Variants in SYNM observed in about 807,000 individuals in gnomAD.
SYNM encodes the protein synemin.
Under a neutral mutation model 104.0 loss-of-function variants are expected in SYNM, and 95 were observed. That is an observed-to-expected ratio of 0.91 (90% confidence interval 0.77 to 1.08). SYNM has a LOEUF of 1.08. Among genes scored for constraint, SYNM ranks in the 50% least tolerant of loss-of-function variants. The pLI is 0.00. For missense variants in SYNM, 2,150 were observed against 2,052.2 expected (o/e 1.05, Z -0.92); for synonymous variants, 918 against 869.0 (o/e 1.06, Z -0.99).
rs1596121360 is a variant in SYNM at position 99,113,679 on chromosome 15, T to C, written c.899T>C (p.Val300Ala). ...CGGGACTATCAGGACCTCCTGCAGGTGAAGACCGGCCTCAGTCTGGAGGTG... is the reference window on the plus strand; with the variant it reads ...CGGGACTATCAGGACCTCCTGCAGGCGAAGACCGGCCTCAGTCTGGAGGTG... ...WLRDYQDLLQVKTGLSLEVAT... is the reference protein window; with the variant it reads ...WLRDYQDLLQAKTGLSLEVAT... Residue 300 changes from valine to alanine, a missense_variant, in exon 2 of 4, where the codon GTG becomes GCG. Coordinates refer to ENST00000336292, the MANE Select transcript of SYNM (RefSeq NM_145728.3). 1.2e-6 allele frequency: 2 copies of C among 1,613,486 alleles called. No individual in the cohort carries two copies. Among genetic ancestry groups the C allele is most frequent in the Non-Finnish European group, 1.7e-6 (2 of 1,179,702 alleles).
At position 99,133,853 on chromosome 15, in the gene SYNM, C is replaced by T. The variant is rs894100633; in HGVS notation, c.*795C>T. On this transcript the variant is annotated 3_prime_UTR_variant, in exon 4 of 4. Transcript: ENST00000336292. ...GTCTGAATGCCCTTTTCTGGAGTGGCCAGTTCCTATCAGACTGTGCAGACT... is the reference window on the plus strand; with the variant it reads ...GTCTGAATGCCCTTTTCTGGAGTGGTCAGTTCCTATCAGACTGTGCAGACT... 3 of 152,498 alleles carry T rather than the reference C, an allele frequency of 2.0e-5. No individual in the cohort carries two copies. Among genetic ancestry groups the T allele is most frequent in the Admixed American group, 2.0e-4 (3 of 15,296 alleles). The allele number at this position is 152,498 out of a possible 1,614,324, so 9.4% of individuals were successfully genotyped here. A position where few individuals can be genotyped will look rare whatever the true frequency, so the allele number is the denominator to read the frequency against.
At chr15:99,137,437 C>G (rs1017897270), downstream of SYNM, 1 of 152,398 alleles carries the variant, frequency 6.6e-6, no homozygotes, top group African/African-American at 2.4e-5. Context: ...TCAGGTGTGT[C>G]GGCCTCCTGC....
At chr15:99,118,695 A>G (rs2067372462) in intron 2 of SYNM, among the ~76,000 whole-genome samples, 1 of 152,128 alleles carries the variant, frequency 6.6e-6, no homozygotes, top group Admixed American at 6.5e-5. Context: ...ATAAATAAAT[A>G]TATAATTTAA....
intron 3 of SYNM, among the ~76,000 whole-genome samples, chr15:99,127,313 CTTA>C (rs1404131903): frequency 1.3e-5 from 2 of 152,126 alleles, no homozygotes; most frequent in Non-Finnish European, 2.9e-5. Flanking sequence ...TGAAGACTAC[CTTA>C]TTGAGGCCAA....
intron 2 of SYNM, among the ~76,000 whole-genome samples, chr15:99,125,569 C>T (rs1041690571): frequency 3.9e-5 from 6 of 152,252 alleles, no homozygotes; most frequent in Admixed American, 3.3e-4. Context: ...GCTCACAGGG[C>T]TCTCGTGTTC....
In SYNM at chr15:99,105,907, G is replaced by T. The variant is rs782088317; in HGVS notation, c.708G>T (p.Ala236=). 4 of 1,533,650 alleles carry T rather than the reference G, an allele frequency of 2.6e-6. No homozygotes were observed. The highest frequency in any genetic ancestry group is 4.9e-5 in the East Asian group (2 of 40,488). The change falls in exon 1 of 4, where the codon GCG becomes GCT. Residue 236 remains alanine (A), a synonymous_variant. Coordinates refer to ENST00000336292, the MANE Select transcript of SYNM (RefSeq NM_145728.3). ...ETRLCAQEAE[A]LRREALGLEQ... ...GGCTGTGCGCGCAGGAGGCAGAGGC[G>T]CTGCGGCGCGAGGCGCTCGGGTTGG...
chr15:99,117,292 G>A (rs1336217441), intron 2 of SYNM, among the ~76,000 whole-genome samples: 7 of 152,146 alleles, frequency 4.6e-5, no homozygotes, highest in East Asian at 1.9e-4. Flanking sequence ...ACCCAGTCTC[G>A]TGCCCGTGGT....
rs77955938 is a variant in SYNM, at chr15:99,110,469, G to A, written c.811-3122G>A. ...ATTGTAAAATATAACTTGAGTTCAG[G>A]GTGCTGTCTGGGCTAAGCTATAAAT... On this transcript the variant is annotated intron_variant, in intron 1 of 3. Transcript: ENST00000336292. 5.2e-3 allele frequency among the ~76,000 whole-genome samples: 797 copies of A among 152,302 alleles called. 10 individuals carry two copies. Among genetic ancestry groups the A allele is most frequent in the African/African-American group, 0.018 (763 of 41,548 alleles).
Position 99,130,759 on chromosome 15 carries a change from A to C in SYNM, c.2399A>C (p.Asn800Thr). Reference protein sequence around the residue: ...YGESDVTFSVNQHRRTKQPQE... With the variant: ...YGESDVTFSVTQHRRTKQPQE... The stretch of plus-strand genomic sequence containing the variant: ...GAAAGCGATGTCACATTCTCAGTTA[A>C]TCAGCATCGAAGGACCAAGCAGCCT... Residue 800 changes from asparagine (N) to threonine (T), a missense_variant, in exon 4 of 4, where the codon AAT becomes ACT. Coordinates refer to ENST00000336292, the MANE Select transcript of SYNM (RefSeq NM_145728.3). 6.2e-7 allele frequency: 1 copy of C among 1,614,002 alleles called. No homozygotes were observed. Among genetic ancestry groups the C allele is most frequent in the Non-Finnish European group, 8.5e-7 (1 of 1,179,886 alleles).
rs782602174 is a variant in SYNM, at chr15:99,129,585, AC to A, written c.1228del (p.Gln410SerfsTer26). The A allele has an allele frequency of 2.4e-5, 38 of 1,613,866 alleles. No homozygotes were observed. Among genetic ancestry groups the A allele is most frequent in the Non-Finnish European group, 2.9e-5 (34 of 1,179,892 alleles). Reference protein sequence around the residue: ...LGSGYSSSATTQQENSYGKAV... With the variant: ...LGSGYSSSATXQQENSYGKAV... ...CTCGGGATATTCTTCCTCGGCCACT[AC>A]CCAGCAGGAAAACTCATACGGAAAA... is the stretch of plus-strand genomic sequence containing the variant. On this transcript the variant is annotated frameshift_variant, in exon 4 of 4. Transcript: ENST00000336292. LOFTEE classifies it low-confidence loss of function (END_TRUNC).
chr15:99,132,858 G>GC lies in SYNM; in HGVS notation c.4499dup (p.Val1501SerfsTer6). ...AGACGCGGACAGTAGGAATGACCAG[G>GC]CAGTTGGTGTGAGCTTTAAGGCCTC... On this transcript the variant is annotated frameshift_variant, in exon 4 of 4. Transcript: ENST00000336292. LOFTEE classifies it high-confidence loss of function. 6.2e-7 allele frequency: 1 copy of GC among 1,613,940 alleles called. No individual in the cohort carries two copies. Among genetic ancestry groups the GC allele is most frequent in the African/African-American group, 1.3e-5 (1 of 75,050 alleles).
chr15:99,105,194 G>C lies in SYNM; in HGVS notation c.-6G>C. The C allele has an allele frequency of 6.4e-7, 1 of 1,572,142 alleles. No homozygotes were observed. On this transcript the variant is annotated 5_prime_UTR_variant, in exon 1 of 4. Coordinates refer to ENST00000336292, the MANE Select transcript of SYNM (RefSeq NM_145728.3). ...CCAGCCGCGAGAACCCCGCACGCCC[G>C]GCAAGATGCTGTCCTGGCGGCTGCA... is the stretch of plus-strand genomic sequence containing the variant.
At chr15:99,126,874 G>A (rs187467770) in intron 3 of SYNM, 82 bp downstream of exon 3, 366 of 1,241,938 alleles carry the variant, frequency 2.9e-4, no homozygotes, top group South Asian at 1.4e-3. Flanking sequence ...CACCATCATC[G>A]GGAAGAACGG....
At position 99,131,197 on chromosome 15, in the gene SYNM, G is replaced by A. The variant is rs782799108; in HGVS notation, c.2837G>A (p.Arg946Gln). 75 of 1,608,390 alleles carry A rather than the reference G, an allele frequency of 4.7e-5. No homozygotes were observed. The highest frequency in any genetic ancestry group is 1.6e-4 in the Middle Eastern group (1 of 6,074). Residue 946 changes from arginine (R) to glutamine (Q), a missense_variant, in exon 4 of 4, where the codon CGG (arginine) becomes CAG (glutamine). Arg to Gln is a conservative substitution (Grantham distance 43). Coordinates refer to ENST00000336292, the MANE Select transcript of SYNM (RefSeq NM_145728.3). The surrounding 1 kb of genome is among the most constrained non-coding windows in gnomAD (Gnocchi z 4.3). Reference protein sequence around the residue: ...SMKGISSKEPRQQLVEVIGQL... With the variant: ...SMKGISSKEPQQQLVEVIGQL... ...AAGGGCATCTCCTCCAAGGAGCCCC[G>A]GCAGCAGCTGGTGGAGGTCATCGGG...
downstream of SYNM, chr15:99,138,078 C>T: frequency 6.2e-7 from 1 of 1,613,658 alleles, no homozygotes; most frequent in Non-Finnish European, 8.5e-7. Context: ...GTGCAGAAGG[C>T]CACTTTGGCT....
chr15:99,129,547 G>T lies in SYNM; in HGVS notation c.1187G>T (p.Arg396Ile), dbSNP rs558695170. 4.3e-6 allele frequency: 7 copies of T among 1,614,024 alleles called. No individual in the cohort carries two copies. The South Asian group carries it at 7.7e-5, about 18-fold the overall frequency. The change falls in exon 4 of 4, where the codon AGA (arginine) becomes ATA (isoleucine). Residue 396 changes from arginine (R) to isoleucine (I), a missense_variant. Transcript: ENST00000336292. The part of the protein sequence containing the change: ...TGTSIGGDAR[R>I]GFLGSGYSSS... ...ACATCTATTGGAGGTGATGCCAGAA[G>T]AGGCTTCTTGGGCTCGGGATATTCT...
chr15:99,107,756 C>T (rs1317854988), intron 1 of SYNM, among the ~76,000 whole-genome samples: 1 of 152,046 alleles, frequency 6.6e-6, no homozygotes, highest in African/African-American at 2.4e-5. Context: ...CCTCCTTTGA[C>T]ACAGGGACTC....
chr15:99,139,190 G>T, downstream of SYNM: 2 of 1,190,158 alleles, frequency 1.7e-6, no homozygotes, highest in Non-Finnish European at 2.4e-6. Flanking sequence ...TGTCCTTTAT[G>T]CAAGTTATGG....
At chr15:99,140,635 G>T in the SYNM span, 2 of 152,192 alleles carry the variant, frequency 1.3e-5, no homozygotes, top group Non-Finnish European at 2.9e-5. Context: ...CTCCCAAAGT[G>T]CGGGGATTAT....
Sources: gnomAD v4.1 joint callset for allele counts (sites outside exome capture counted in the v4.1 genomes callset) on GRCh38, gnomAD v4.1.1 for gene constraint, Gnocchi (gnomAD v3.1) non-coding constraint, MANE v1.5 for transcripts, NCBI Gene and HGNC (gene_info 2026-07-23, HGNC 2026-07-21) for gene names.